ADCY1: variants seen among roughly 807,000 people sequenced by gnomAD.
ADCY1 encodes the protein adenylate cyclase 1, also known as adenylate cyclase type 1.
In ADCY1, 28 loss-of-function variants were observed where a neutral mutation model predicts 105.4. The ratio of observed to expected loss-of-function variants is 0.27; its 90% CI spans 0.20 to 0.36. The LOEUF is 0.36. Ranked by LOEUF, ADCY1 falls within the 10% of genes least tolerant of loss-of-function variation. The probability of loss-of-function intolerance (pLI) is 1.00; values close to 1 mark genes in which losing one functional copy is unlikely to be tolerated. For missense variants in ADCY1, 977 were observed against 1,434.2 expected (o/e 0.68, Z 5.15); for synonymous variants, 655 against 623.8 (o/e 1.05, Z -0.75).
chr7:45,658,030 C>T (rs1794988274), intron 6 of ADCY1, 145 bp downstream of exon 6: 1 of 965,972 alleles, frequency 1.0e-6, no homozygotes, highest in Non-Finnish European at 1.5e-6. Flanking sequence ...CCCAGCCGCA[C>T]CTGCCAACCA....
intron 4 of ADCY1, among the ~76,000 whole-genome samples, chr7:45,635,601 G>GGTTTTTT (rs1794379951): frequency 1.7e-5 from 1 of 57,198 alleles, no homozygotes; most frequent in African/African-American, 7.0e-5. Flanking sequence ...AATTTCTCTT[G>GGTTTTTT]TTTTTTTTTT....
chr7:45,658,180 T>A (rs1272876001), intron 6 of ADCY1, among the ~76,000 whole-genome samples: 3 of 152,262 alleles, frequency 2.0e-5, no homozygotes, highest in Non-Finnish European at 4.4e-5. Context: ...GCCCATGGCA[T>A]GGTGCTGTCC....
rs745894874 is a variant in ADCY1, at chr7:45,713,802, G to T, written c.3167G>T (p.Gly1056Val). 2 of 780,862 alleles carry T rather than the reference G, an allele frequency of 2.6e-6. No homozygotes were observed. 48.4% of individuals were successfully genotyped at this position (780,862 alleles called of 1,614,324 possible). The change falls in exon 20 of 20, where the codon GGC becomes GTC. Residue 1056 changes from glycine to valine, a missense_variant. By Grantham distance (109) the Gly-to-Val change is moderately radical. Coordinates refer to ENST00000297323, the MANE Select transcript of ADCY1 (RefSeq NM_021116.4). ...GAGATGTTGACATACTTTCTAGAAG[G>T]CAGGACTGATGGAAACGGCTCCCAA... ...KGEMLTYFLEGRTDGNGSQIR... is the reference protein window; with the variant it reads ...KGEMLTYFLEVRTDGNGSQIR...
intron 1 of ADCY1, among the ~76,000 whole-genome samples, chr7:45,592,009 C>T (rs1792931075): frequency 6.6e-6 from 1 of 151,760 alleles, no homozygotes; most frequent in South Asian, 2.1e-4. Context: ...TGTGCTGGTG[C>T]TCACTGTGTC....
At chr7:45,599,747 C>T (rs1793174620) in intron 2 of ADCY1, among the ~76,000 whole-genome samples, 2 of 152,024 alleles carry the variant, frequency 1.3e-5, no homozygotes, top group African/African-American at 2.4e-5. Flanking sequence ...CTACCTCAGC[C>T]TCCCGAGTAG....
intron 4 of ADCY1, among the ~76,000 whole-genome samples, chr7:45,642,494 C>A (rs1041820968): frequency 2.0e-5 from 3 of 152,076 alleles, no homozygotes; most frequent in Non-Finnish European, 4.4e-5. Context: ...CCATTTTGGC[C>A]CCCCATCCTC....
rs985188799 is a variant in ADCY1, at chr7:45,591,381, C to A, written c.640-1378C>A. Among the ~76,000 whole-genome samples, 1 of 152,222 alleles carries A rather than the reference C, an allele frequency of 6.6e-6. No homozygotes were observed. Among genetic ancestry groups the A allele is most frequent in the African/African-American group, 2.4e-5 (1 of 41,452 alleles). On this transcript the variant is annotated intron_variant, in intron 1 of 19. Transcript: ENST00000297323. This position sits in a 1 kb window ranked among gnomAD's most constrained non-coding sequence, Gnocchi z 4.1. ...GTCTCATGGGTCTACCTCCTGGACT[C>A]GCTTGGTCCCCGTCAGGTGGCAGCT...
rs750314620 is a variant in ADCY1, at chr7:45,713,881, T to G, written c.3246T>G (p.Leu1082=). 3.8e-6 allele frequency: 3 copies of G among 780,710 alleles called. No individual in the cohort carries two copies. The highest frequency in any genetic ancestry group is 7.2e-6 in the Non-Finnish European group (3 of 418,130). 48.4% of individuals were successfully genotyped at this position (780,710 alleles called of 1,614,324 possible). ...TGTGTCCATTTGGGAGAGCTGGCCTTCAGGGCAGACGTCCCCCCGTGTGCC... is the reference window on the plus strand; with the variant it reads ...TGTGTCCATTTGGGAGAGCTGGCCTGCAGGGCAGACGTCCCCCCGTGTGCC... ...RKMCPFGRAG[L]QGRRPPVCPM... The change falls in exon 20 of 20, where the codon CTT becomes CTG. Residue 1082 remains leucine, a synonymous_variant. Transcript: ENST00000297323.
chr7:45,638,481 C>CTTTTTTTT (rs34719678), intron 4 of ADCY1, among the ~76,000 whole-genome samples: 2 of 132,744 alleles, frequency 1.5e-5, no homozygotes, highest in Non-Finnish European at 1.6e-5. Context: ...CAGTTTGCTC[C>CTTTTTTTT]TTTTTTTTTT....
chr7:45,696,424 G>A (rs1363139227), intron 14 of ADCY1, among the ~76,000 whole-genome samples: 8 of 112,942 alleles, frequency 7.1e-5, no homozygotes, highest in Admixed American at 1.3e-4. Flanking sequence ...GGGCGACAGA[G>A]CTATACTCCA....
In ADCY1 at chr7:45,686,394, A is replaced by G. The variant is rs138165499; in HGVS notation, c.2328-153A>G. ...TTCTAGCAAGGACTCAGATTTCCCT[A>G]TGATAAGTGATTCTTGGCCAAGGTC... On this transcript the variant is annotated intron_variant, in intron 13 of 19. Coordinates refer to ENST00000297323, the MANE Select transcript of ADCY1 (RefSeq NM_021116.4). This position sits in a 1 kb window ranked among gnomAD's most constrained non-coding sequence, Gnocchi z 4.3. Among the ~76,000 whole-genome samples, 730 of 152,278 alleles carry G rather than the reference A, an allele frequency of 4.8e-3. 4 individuals carry two copies. Among genetic ancestry groups the G allele is most frequent in the African/African-American group, 0.016 (685 of 41,550 alleles).
intron 5 of ADCY1, among the ~76,000 whole-genome samples, chr7:45,655,689 G>A (rs903284915): frequency 6.6e-6 from 1 of 152,078 alleles, no homozygotes; most frequent in Admixed American, 6.5e-5. Context: ...TGGTGGCGTG[G>A]ATTTGGTTGG....
chr7:45,638,924 T>A (rs1794466318), intron 4 of ADCY1, among the ~76,000 whole-genome samples: 2 of 152,148 alleles, frequency 1.3e-5, no homozygotes, highest in Admixed American at 1.3e-4. Context: ...AATTGATGGC[T>A]GCAAGGGCCT....
chr7:45,588,720 T>A (rs542421521), intron 1 of ADCY1, among the ~76,000 whole-genome samples: 4 of 152,160 alleles, frequency 2.6e-5, no homozygotes, highest in African/African-American at 4.8e-5. Flanking sequence ...GCAGACTCCC[T>A]GGGAAGCCCT....
At chr7:45,625,590 G>A (rs1355925565) in intron 4 of ADCY1, among the ~76,000 whole-genome samples, 3 of 151,630 alleles carry the variant, frequency 2.0e-5, no homozygotes, top group Middle Eastern at 6.8e-3. Context: ...GTGTGTAGAT[G>A]TGTTACATGT....
rs538029176 is a variant in ADCY1, at chr7:45,714,404, C to T, written c.*409C>T. ...TGGCTGGCAGAGCAACTGAGGAGCT[C>T]TGCGAGAGTGTGCCCTCTGAGACAG... On this transcript the variant is annotated 3_prime_UTR_variant, in exon 20 of 20. Coordinates refer to ENST00000297323, the MANE Select transcript of ADCY1 (RefSeq NM_021116.4). 5.3e-6 allele frequency: 1 copy of T among 187,440 alleles called. No homozygotes were observed. The highest frequency in any genetic ancestry group is 1.1e-5 in the Non-Finnish European group (1 of 90,458). 11.6% of individuals were successfully genotyped at this position (187,440 alleles called of 1,614,324 possible). A position where few individuals can be genotyped will look rare whatever the true frequency, so the allele number is the denominator to read the frequency against.
chr7:45,586,212 A>G (rs561028738), intron 1 of ADCY1, among the ~76,000 whole-genome samples: 1 of 152,050 alleles, frequency 6.6e-6, no homozygotes, highest in East Asian at 1.9e-4. Context: ...GGAGAGGGGC[A>G]CCATGGAGGA....
At chr7:45,632,901 A>T (rs900149800) in intron 4 of ADCY1, among the ~76,000 whole-genome samples, 1 of 151,968 alleles carries the variant, frequency 6.6e-6, no homozygotes, top group Admixed American at 6.6e-5. Context: ...ATTTTATCAG[A>T]TTTATTCCTA....
At chr7:45,681,668 C>G (rs941233498) in intron 11 of ADCY1, among the ~76,000 whole-genome samples, 3 of 152,094 alleles carry the variant, frequency 2.0e-5, no homozygotes, top group Admixed American at 6.5e-5. Context: ...GGCTCCTGTT[C>G]GCAGGCTCTG....
Sources: gnomAD v4.1 joint callset for allele counts (sites outside exome capture counted in the v4.1 genomes callset) on GRCh38, gnomAD v4.1.1 for gene constraint, Gnocchi (gnomAD v3.1) non-coding constraint, MANE v1.5 for transcripts, NCBI Gene and HGNC (gene_info 2026-07-23, HGNC 2026-07-21) for gene names.